DNAH7: variants seen among roughly 807,000 people sequenced by gnomAD.
DNAH7 encodes dynein axonemal heavy chain 7, also known as axonemal beta dynein heavy chain 7.
DNAH7 carries 397 observed loss-of-function variants against 444.6 expected under a neutral mutation model. The ratio of observed to expected loss-of-function variants is 0.89; its 90% confidence interval spans 0.82 to 0.97. The LOEUF is 0.97. Among genes scored for constraint, DNAH7 ranks in the 50% least tolerant of loss-of-function variants. The probability of loss-of-function intolerance (pLI) is 0.00; values close to 1 mark genes in which losing one functional copy is unlikely to be tolerated. For missense variants in DNAH7, 4,902 were observed against 4,800.8 expected (o/e 1.02, Z -0.62); for synonymous variants, 1,636 against 1,624.4 (o/e 1.01, Z -0.17).
At chr2:195,868,737 T>A (rs1700501903) in intron 40 of DNAH7, among the ~76,000 whole-genome samples, 1 of 151,252 alleles carries the variant, frequency 6.6e-6, no homozygotes, top group African/African-American at 2.4e-5. Flanking sequence ...GGGGGTCTTG[T>A]TTTTGCAGAA....
At position 195,864,294 on chromosome 2, in the gene DNAH7, G is replaced by C; in HGVS notation, c.7361C>G (p.Pro2454Arg). 2 of 1,614,086 alleles carry C rather than the reference G, an allele frequency of 1.2e-6. No homozygotes were observed. The highest frequency in any genetic ancestry group is 1.7e-6 in the Non-Finnish European group (2 of 1,180,004). The change falls in exon 41 of 65, where the codon CCC (proline) becomes CGC (arginine). Residue 2454 changes from proline to arginine, a missense_variant. By Grantham distance (103) the Pro-to-Arg change is moderately radical (BLOSUM62 -2). Transcript: ENST00000312428. The part of the protein sequence containing the change: ...RDKTKQTDGS[P>R]IALFNMFIDH... ...AATAAACATGTTGAAAAGGGCTATG[G>C]GGCTGCCATCTGTTTGCTTGGTTTT...
chr2:195,767,790 T>G (rs1694653628), intron 61 of DNAH7, among the ~76,000 whole-genome samples: 1 of 151,654 alleles, frequency 6.6e-6, no homozygotes, highest in Non-Finnish European at 1.5e-5. Context: ...TTTTATAAAA[T>G]GATTGCTCTG....
chr2:195,881,236 A>G (rs1701358916), intron 36 of DNAH7, among the ~76,000 whole-genome samples: 1 of 152,196 alleles, frequency 6.6e-6, no homozygotes, highest in Non-Finnish European at 1.5e-5. Context: ...AGAACTAGAA[A>G]CAGGTACTGT....
chr2:195,912,126 G>A (rs1007828185), intron 24 of DNAH7, among the ~76,000 whole-genome samples: 1 of 152,154 alleles, frequency 6.6e-6, no homozygotes, highest in African/African-American at 2.4e-5. Flanking sequence ...GTAAGTGAGT[G>A]ATCAGGAGTG....
At chr2:195,899,078 C>G (rs1315320762) in intron 28 of DNAH7, among the ~76,000 whole-genome samples, 1 of 152,216 alleles carries the variant, frequency 6.6e-6, no homozygotes, top group Non-Finnish European at 1.5e-5. Context: ...GCCTAGCAGT[C>G]AGAGTCAGTC....
At chr2:195,788,189 C>T (rs886873450) in intron 57 of DNAH7, among the ~76,000 whole-genome samples, 1 of 152,174 alleles carries the variant, frequency 6.6e-6, no homozygotes, top group African/African-American at 2.4e-5. Context: ...CAATAGCAGC[C>T]GCCATCAGGA....
intron 8 of DNAH7, among the ~76,000 whole-genome samples, chr2:196,019,864 C>T (rs906929512): frequency 1.3e-5 from 2 of 152,042 alleles, no homozygotes; most frequent in African/African-American, 4.8e-5. Context: ...TTGAACTGTG[C>T]ACATCAACTT....
chr2:195,771,028 A>G (rs1694810819), intron 61 of DNAH7, among the ~76,000 whole-genome samples: 1 of 150,530 alleles, frequency 6.6e-6, no homozygotes, highest in Non-Finnish European at 1.5e-5. Context: ...CCTCACTAAA[A>G]TGTGAGCCTG....
At chr2:195,869,850 G>A (rs1356277668) in intron 40 of DNAH7, among the ~76,000 whole-genome samples, 1 of 152,184 alleles carries the variant, frequency 6.6e-6, no homozygotes, top group Admixed American at 6.5e-5. Context: ...GTTTTGAGCT[G>A]AGGACTAAAT....
chr2:195,926,687 T>C (rs1306796032), intron 21 of DNAH7, 121 bp from the exon 22 acceptor site: 1 of 860,054 alleles, frequency 1.2e-6, no homozygotes, highest in Non-Finnish European at 1.7e-6. Flanking sequence ...TAGACATTTA[T>C]GCAAGACTCA....
chr2:195,860,005 G>T, intron 42 of DNAH7, among the ~76,000 whole-genome samples: 1 of 152,194 alleles, frequency 6.6e-6, no homozygotes, highest in East Asian at 1.9e-4. Flanking sequence ...TCACAGGATA[G>T]GAATTCTAGT....
chr2:195,917,842 A>AT (rs1049444757), intron 24 of DNAH7, among the ~76,000 whole-genome samples: 12 of 152,130 alleles, frequency 7.9e-5, no homozygotes, highest in African/African-American at 2.9e-4. Context: ...TTTGTTTTAC[A>AT]TTTTTTGTAG....
chr2:195,846,947 A>ATGTGTGTG (rs1315064692), intron 46 of DNAH7, among the ~76,000 whole-genome samples: 2 of 108,874 alleles, frequency 1.8e-5, no homozygotes, highest in African/African-American at 1.1e-4. Context: ...AAACTCCCAT[A>ATGTGTGTG]TATGTGTGTG....
At chr2:195,777,339 C>T (rs1022734642) in intron 59 of DNAH7, among the ~76,000 whole-genome samples, 1 of 152,168 alleles carries the variant, frequency 6.6e-6, no homozygotes, top group Admixed American at 6.5e-5. Flanking sequence ...AATTATTCTA[C>T]TGTAATGAAC....
intron 10 of DNAH7, 94 bp downstream of exon 10, chr2:196,012,693 T>C (rs956068010): frequency 4.9e-5 from 63 of 1,283,548 alleles, no homozygotes; most frequent in Non-Finnish European, 2.7e-5. Context: ...ATTTAAAACA[T>C]TAAAATTGGA....
intron 8 of DNAH7, among the ~76,000 whole-genome samples, chr2:196,019,513 T>C (rs1057508124): frequency 6.6e-6 from 1 of 152,150 alleles, no homozygotes; most frequent in Admixed American, 6.6e-5. Flanking sequence ...TAGATTTAAA[T>C]CTTTAAAACA....
chr2:195,879,054 T>C (rs1228207946), intron 36 of DNAH7, among the ~76,000 whole-genome samples: 1 of 152,054 alleles, frequency 6.6e-6, no homozygotes, highest in African/African-American at 2.4e-5. Flanking sequence ...TCCAAATCAA[T>C]AGGAAGAACA....
chr2:195,776,547 G>A (rs1382625203), intron 59 of DNAH7, among the ~76,000 whole-genome samples: 1 of 151,946 alleles, frequency 6.6e-6, no homozygotes, highest in East Asian at 1.9e-4. Context: ...GGGAATCCTG[G>A]TAACTTCATT....
intron 1 of DNAH7, among the ~76,000 whole-genome samples, chr2:196,064,718 C>T (rs1024078904): frequency 1.1e-4 from 16 of 152,108 alleles, no homozygotes; most frequent in African/African-American, 2.2e-4. Context: ...CTGCAACATG[C>T]TTTTTAATAT....
Sources: gnomAD v4.1 joint callset for allele counts (sites outside exome capture counted in the v4.1 genomes callset) on GRCh38, gnomAD v4.1.1 for gene constraint, MANE v1.5 for transcripts, NCBI Gene and HGNC (gene_info 2026-07-23, HGNC 2026-07-21) for gene names.